ARHGAP42: variants seen among roughly 807,000 people sequenced by gnomAD.
ARHGAP42 encodes the protein Rho GTPase activating protein 42.
Under a neutral mutation model 125.0 loss-of-function variants are expected in ARHGAP42, and 63 were observed. The ratio of observed to expected loss-of-function variants is 0.50; its 90% CI spans 0.41 to 0.62. The LOEUF (loss-of-function observed/expected upper bound fraction) is 0.62, where lower values mean the gene tolerates loss of function less well. Among genes scored for constraint, ARHGAP42 ranks in the 20% least tolerant of loss-of-function variants. The pLI, the probability that ARHGAP42 is intolerant of heterozygous loss-of-function variation, is 0.00. For synonymous variants in ARHGAP42, 339 were observed against 351.0 expected (o/e 0.97, Z 0.38); for missense variants, 766 against 1,024.2 (o/e 0.75, Z 3.44).
chr11:100,770,264 T>C (rs1862941365), intron 1 of ARHGAP42, 79 bp from the exon 2 acceptor site: 8 of 945,320 alleles, frequency 8.5e-6, no homozygotes, highest in Non-Finnish European at 1.1e-5. Context: ...ATCAAAGTTA[T>C]ATAATTTTAC....
intron 2 of ARHGAP42, among the ~76,000 whole-genome samples, chr11:100,787,202 T>C (rs1863457719): frequency 6.6e-6 from 1 of 150,966 alleles, no homozygotes; most frequent in Admixed American, 6.6e-5. Flanking sequence ...GGCATGAACC[T>C]GGGAGGCAGA....
chr11:100,858,671 A>G (rs1451867186), intron 3 of ARHGAP42, among the ~76,000 whole-genome samples: 1 of 152,154 alleles, frequency 6.6e-6, no homozygotes, highest in African/African-American at 2.4e-5. Context: ...TTAAAGTAGG[A>G]TAATATATTT....
At chr11:100,872,131 T>A (rs10750596) in intron 4 of ARHGAP42, among the ~76,000 whole-genome samples, 117,395 of 152,124 alleles carry the variant, frequency 0.77, 45,685 homozygotes, top group East Asian at 0.96. Flanking sequence ...GTTCTTGTTG[T>A]AATTTAGCAA....
chr11:100,788,902 ACT>A (rs1565214549), intron 2 of ARHGAP42, among the ~76,000 whole-genome samples: 2 of 152,006 alleles, frequency 1.3e-5, no homozygotes, highest in South Asian at 4.2e-4. Context: ...AAAAATTAAG[ACT>A]CTCTCAGTGG....
At chr11:100,717,636 C>CAAAAA (rs60024751) in intron 1 of ARHGAP42, among the ~76,000 whole-genome samples, 10 of 69,092 alleles carry the variant, frequency 1.4e-4, no homozygotes, top group East Asian at 4.7e-4. Flanking sequence ...GACTCCGTCT[C>CAAAAA]AAAAAAAAAA....
intron 3 of ARHGAP42, among the ~76,000 whole-genome samples, chr11:100,849,341 G>A (rs1865148770): frequency 1.3e-5 from 2 of 152,118 alleles, no homozygotes; most frequent in Admixed American, 1.3e-4. Context: ...CATAGTTTAT[G>A]ACCAGATCTG....
At chr11:100,842,576 G>A (rs932951140) in intron 3 of ARHGAP42, among the ~76,000 whole-genome samples, 4 of 152,080 alleles carry the variant, frequency 2.6e-5, no homozygotes, top group Admixed American at 1.3e-4. Context: ...AAGTCTTCAT[G>A]AAAGAAGGCG....
chr11:100,902,556 A>G (rs931186092), intron 4 of ARHGAP42, among the ~76,000 whole-genome samples: 6 of 152,118 alleles, frequency 3.9e-5, no homozygotes, highest in Non-Finnish European at 8.8e-5. Context: ...TCTTAGGACT[A>G]TGTATATTGG....
intron 7 of ARHGAP42, among the ~76,000 whole-genome samples, chr11:100,935,267 T>C (rs1294118152): frequency 6.6e-6 from 1 of 152,144 alleles, no homozygotes; most frequent in East Asian, 1.9e-4. Flanking sequence ...TCCTATAGCT[T>C]AAATAAACTT....
At chr11:100,986,759 T>C (rs1858688044) in intron 22 of ARHGAP42, among the ~76,000 whole-genome samples, 1 of 152,124 alleles carries the variant, frequency 6.6e-6, no homozygotes, top group Admixed American at 6.5e-5. Flanking sequence ...GGTGCCTTGA[T>C]TAGCAGCCTC....
chr11:100,723,369 A>G (rs2120276322), intron 1 of ARHGAP42, among the ~76,000 whole-genome samples: 1 of 152,352 alleles, frequency 6.6e-6, no homozygotes, highest in South Asian at 2.1e-4. Flanking sequence ...CAAGTTGGGA[A>G]GAACTGACAC....
chr11:100,886,267 A>G (rs1426345859), intron 4 of ARHGAP42, among the ~76,000 whole-genome samples: 1 of 152,202 alleles, frequency 6.6e-6, no homozygotes, highest in Non-Finnish European at 1.5e-5. Context: ...AAAAACAAGC[A>G]TTTCATCGAT....
rs555878990 is a variant in ARHGAP42, at chr11:100,751,051, G to T, written c.155-19292G>T. 1.8e-3 allele frequency among the ~76,000 whole-genome samples: 273 copies of T among 150,038 alleles called. 3 individuals carry two copies. Among genetic ancestry groups the T allele is most frequent in the Non-Finnish European group, 2.9e-3 (195 of 67,830 alleles). On this transcript the variant is annotated intron_variant, in intron 1 of 23. Transcript: ENST00000298815. ...CCTCCCAGTTTCAAGTGATTCTCCTGCCTCAGCCTCCTAAGTAGCTGGGAT... is the reference window on the plus strand; with the variant it reads ...CCTCCCAGTTTCAAGTGATTCTCCTTCCTCAGCCTCCTAAGTAGCTGGGAT...
chr11:100,894,468 C>T (rs1866294175), intron 4 of ARHGAP42, among the ~76,000 whole-genome samples: 1 of 152,068 alleles, frequency 6.6e-6, no homozygotes, highest in Non-Finnish European at 1.5e-5. Flanking sequence ...TGAAACTGTG[C>T]AGTAAAGTAA....
At position 100,758,481 on chromosome 11, in the gene ARHGAP42, G is replaced by A. The variant is rs184990245; in HGVS notation, c.155-11862G>A. On this transcript the variant is annotated intron_variant, in intron 1 of 23. Coordinates refer to ENST00000298815, the MANE Select transcript of ARHGAP42 (RefSeq NM_152432.4). ...TTACCTTTTGGAATACGGACAGTTT[G>A]ACTGTGATGATTTTTGTTGTCACTG... 1.3e-3 allele frequency among the ~76,000 whole-genome samples: 200 copies of A among 152,300 alleles called. 1 individual carries two copies. Among genetic ancestry groups the A allele is most frequent in the Non-Finnish European group, 2.3e-3 (158 of 68,020 alleles).
chr11:100,933,248 C>A lies in ARHGAP42; in HGVS notation c.690C>A (p.Phe230Leu). The A allele has an allele frequency of 1.3e-6, 2 of 1,548,540 alleles. No individual in the cohort carries two copies. Among genetic ancestry groups the A allele is most frequent in the Non-Finnish European group, 1.7e-6 (2 of 1,144,588 alleles). ...CACCGTATAAGCAACAGCTGCAGTT[C>A]AACTTGCAGAATGTAAGAGTATACC... ...EFAPYKQQLQ[F>L]NLQNTRNNFE... The change falls in exon 7 of 24, where the codon TTC becomes TTA. Residue 230 changes from phenylalanine (F) to leucine (L), a missense_variant. Coordinates refer to ENST00000298815, the MANE Select transcript of ARHGAP42 (RefSeq NM_152432.4).
At chr11:100,780,103 TTC>T (rs1047128501) in intron 2 of ARHGAP42, among the ~76,000 whole-genome samples, 3 of 152,066 alleles carry the variant, frequency 2.0e-5, no homozygotes, top group Non-Finnish European at 4.4e-5. Context: ...TAAAAATTTA[TTC>T]TCTTTTTGCA....
chr11:100,691,596 G>GCCT (rs1158621496), intron 1 of ARHGAP42, among the ~76,000 whole-genome samples: 4 of 152,080 alleles, frequency 2.6e-5, no homozygotes, highest in African/African-American at 4.8e-5. Context: ...GCTCACTGCA[G>GCCT]CCTCTACCTC....
intron 4 of ARHGAP42, among the ~76,000 whole-genome samples, chr11:100,895,493 CTTTT>C (rs55789058): frequency 2.4e-5 from 3 of 123,482 alleles, no homozygotes; most frequent in Admixed American, 8.8e-5. Flanking sequence ...AAAAGAGCAA[CTTTT>C]TTTTTTTTTT....
Sources: gnomAD v4.1 joint callset for allele counts (sites outside exome capture counted in the v4.1 genomes callset) on GRCh38, gnomAD v4.1.1 for gene constraint, MANE v1.5 for transcripts, NCBI Gene and HGNC (gene_info 2026-07-23, HGNC 2026-07-21) for gene names.